DAAM1: variants seen among roughly 807,000 people sequenced by gnomAD.
DAAM1 encodes dishevelled associated activator of morphogenesis 1.
Under a neutral mutation model 130.0 loss-of-function variants are expected in DAAM1, and 52 were observed. The observed-to-expected ratio is 0.40, with a 90% CI of 0.32 to 0.50. The LOEUF (loss-of-function observed/expected upper bound fraction) is 0.50. DAAM1 is among the 20% of genes least tolerant of loss of function. The probability of loss-of-function intolerance (pLI) is 0.61; values close to 1 mark genes in which losing one functional copy is unlikely to be tolerated. For missense variants in DAAM1, 1,134 were observed against 1,303.8 expected, an observed-to-expected ratio of 0.87 and a Z score of 2.01; for synonymous variants, 452 against 444.5, an observed-to-expected ratio of 1.02 and a Z score of -0.21.
At chr14:59,295,828 C>T (rs1883936661) in intron 3 of DAAM1, among the ~76,000 whole-genome samples, 1 of 152,080 alleles carries the variant, frequency 6.6e-6, no homozygotes. Flanking sequence ...GGGCACTGGG[C>T]CTGAAGATGT....
At chr14:59,364,587 T>C (rs1382992886) in intron 23 of DAAM1, among the ~76,000 whole-genome samples, 6 of 151,946 alleles carry the variant, frequency 3.9e-5, no homozygotes, top group South Asian at 2.1e-4. Context: ...CCCCACCCCA[T>C]TGGTTCTTTT....
intron 2 of DAAM1, among the ~76,000 whole-genome samples, chr14:59,284,329 A>G (rs1883351449): frequency 6.6e-6 from 1 of 152,170 alleles, no homozygotes; most frequent in African/African-American, 2.4e-5. Flanking sequence ...TAGAGGTGGG[A>G]ATATAAGATG....
chr14:59,334,783 C>T (rs1186612877), intron 15 of DAAM1, among the ~76,000 whole-genome samples: 1 of 152,084 alleles, frequency 6.6e-6, no homozygotes, highest in East Asian at 1.9e-4. Flanking sequence ...ATATTGTCTG[C>T]TTTGTATACA....
rs570723721 is a variant in DAAM1, at chr14:59,302,715, G to A, written c.273+11409G>A. 2.6e-5 allele frequency among the ~76,000 whole-genome samples: 4 copies of A among 152,134 alleles called. No individual in the cohort carries two copies. In the South Asian group the frequency reaches 6.2e-4, roughly 24 times the overall value. On this transcript the variant is annotated intron_variant, in intron 3 of 24. Coordinates refer to ENST00000360909, the MANE Select transcript of DAAM1 (RefSeq NM_001270520.2). ...GTCACCCACACTGGAGTGCAGTGGC[G>A]CAATTTCAGCTCACTGGAAACTCCA... is the stretch of plus-strand genomic sequence containing the variant.
intron 1 of DAAM1, among the ~76,000 whole-genome samples, chr14:59,215,492 T>A (rs1470056577): frequency 6.6e-6 from 1 of 152,252 alleles, no homozygotes; most frequent in East Asian, 1.9e-4. Context: ...TGGCTTGGGC[T>A]GTTGGCAAGC....
chr14:59,365,160 C>G (rs925975316), intron 23 of DAAM1, among the ~76,000 whole-genome samples: 6 of 152,192 alleles, frequency 3.9e-5, no homozygotes, highest in African/African-American at 1.4e-4. Context: ...AAATTTTCCC[C>G]TTGCACACTG....
intron 1 of DAAM1, among the ~76,000 whole-genome samples, chr14:59,201,662 T>C (rs575211039): frequency 6.6e-6 from 1 of 152,122 alleles, no homozygotes; most frequent in East Asian, 1.9e-4. Flanking sequence ...CTGAGCATAG[T>C]GGTACACATC....
At chr14:59,197,069 T>C (rs965562760) in intron 1 of DAAM1, among the ~76,000 whole-genome samples, 32 of 152,220 alleles carry the variant, frequency 2.1e-4, no homozygotes, top group Admixed American at 7.2e-4. Flanking sequence ...TACAGGCGCC[T>C]GCCACCACGC....
intron 1 of DAAM1, among the ~76,000 whole-genome samples, chr14:59,219,048 T>A (rs1361769447): frequency 2.0e-5 from 3 of 152,224 alleles, no homozygotes; most frequent in African/African-American, 7.2e-5. Flanking sequence ...CTTTCTAGTT[T>A]ATGTGAGCAT....
At chr14:59,234,548 A>C (rs1037047784) in intron 1 of DAAM1, among the ~76,000 whole-genome samples, 2 of 152,086 alleles carry the variant, frequency 1.3e-5, no homozygotes, top group African/African-American at 4.8e-5. Flanking sequence ...GGGTTTTCTA[A>C]ATATACAATC....
In DAAM1 at chr14:59,315,304, A is replaced by T. The variant is rs1244583324; in HGVS notation, c.298A>T (p.Thr100Ser). Residue 100 changes from threonine to serine, a missense_variant, in exon 4 of 25, where the codon ACA becomes TCA. Coordinates refer to ENST00000360909, the MANE Select transcript of DAAM1 (RefSeq NM_001270520.2). The part of the protein sequence containing the change: ...KKDQEENKGA[T>S]SWPEFYIDQL... ...GGACCAGGAAGAAAACAAGGGAGCT[A>T]CAAGTTGGCCTGAATTCTACATTGA... 6.2e-7 allele frequency: 1 copy of T among 1,614,034 alleles called. No homozygotes were observed. Among genetic ancestry groups the T allele is most frequent in the Non-Finnish European group, 8.5e-7 (1 of 1,179,932 alleles).
rs1230615771 is a variant in DAAM1, at chr14:59,263,632, A to G, written c.155A>G (p.Glu52Gly). The G allele has an allele frequency of 1.9e-6, 3 of 1,614,132 alleles. No individual in the cohort carries two copies. Among genetic ancestry groups the G allele is most frequent in the Non-Finnish European group, 2.5e-6 (3 of 1,180,024 alleles). The change falls in exon 2 of 25, where the codon GAG (glutamate) becomes GGG (glycine). Residue 52 changes from glutamate to glycine, a missense_variant. Coordinates refer to ENST00000360909, the MANE Select transcript of DAAM1 (RefSeq NM_001270520.2). The part of the protein sequence containing the change: ...EPALPMPPVE[E>G]LDVMFSELVD... ...GCATTGCCCATGCCCCCTGTGGAGG[A>G]GCTGGATGTCATGTTCAGTGAACTG...
chr14:59,264,481 A>T (rs1882339791), intron 2 of DAAM1: 1 of 152,216 alleles, frequency 6.6e-6, no homozygotes, highest in Non-Finnish European at 1.5e-5. Flanking sequence ...TCTGAAGGAA[A>T]AAAACATCTT....
chr14:59,348,666 G>A lies in DAAM1; in HGVS notation c.2160+1043G>A. On this transcript the variant is annotated intron_variant, in intron 17 of 24. Coordinates refer to ENST00000360909, the MANE Select transcript of DAAM1 (RefSeq NM_001270520.2). The stretch of plus-strand genomic sequence containing the variant: ...CATCTGTAGGTGTGCCCTGTTCCAA[G>A]AGCAGAGAATAAGGGTATTTTGTGT... Among the ~76,000 whole-genome samples, 2 of 152,192 alleles carry A rather than the reference G, an allele frequency of 1.3e-5. 1 individual carries two copies. The highest frequency in any genetic ancestry group is 6.3e-3 in the Middle Eastern group (2 of 316).
At chr14:59,206,005 T>C (rs1449351151) in intron 1 of DAAM1, among the ~76,000 whole-genome samples, 1 of 151,572 alleles carries the variant, frequency 6.6e-6, no homozygotes, top group Non-Finnish European at 1.5e-5. Flanking sequence ...CTGGGACTAC[T>C]ATGCCTGTCT....
Position 59,240,416 on chromosome 14 carries a change from A to G in DAAM1, c.-37-23025A>G, listed in dbSNP as rs956257917. Among the ~76,000 whole-genome samples, 3 of 152,156 alleles carry G rather than the reference A, an allele frequency of 2.0e-5. 1 individual carries two copies. The highest frequency in any genetic ancestry group is 2.1e-4 in the South Asian group (1 of 4,820). On this transcript the variant is annotated intron_variant, in intron 1 of 24. Coordinates refer to ENST00000360909, the MANE Select transcript of DAAM1 (RefSeq NM_001270520.2). ...GTGGACCATGAATCAGGGTTCTTCA[A>G]ATCTTTATGGGACAGAAATCCCATT...
At chr14:59,204,575 A>T (rs1218272422) in intron 1 of DAAM1, among the ~76,000 whole-genome samples, 1 of 152,242 alleles carries the variant, frequency 6.6e-6, no homozygotes, top group Non-Finnish European at 1.5e-5. Context: ...GTGGTATCTC[A>T]TCATAGTGAC....
intron 22 of DAAM1, chr14:59,362,831 A>T (rs1442789142): frequency 6.6e-6 from 1 of 152,192 alleles, no homozygotes; most frequent in Non-Finnish European, 1.5e-5. Context: ...GTTATTACCA[A>T]GACTCTGGAG....
intron 1 of DAAM1, among the ~76,000 whole-genome samples, chr14:59,241,477 T>C (rs1367611602): frequency 6.6e-6 from 1 of 152,236 alleles, no homozygotes; most frequent in Non-Finnish European, 1.5e-5. Flanking sequence ...AATTACTTTG[T>C]GGGAGCTTTT....
Sources: allele counts gnomAD v4.1 joint callset (sites outside exome capture counted in the v4.1 genomes callset), GRCh38; gene constraint gnomAD v4.1.1; transcripts MANE v1.5; gene names NCBI Gene and HGNC (gene_info 2026-07-23, HGNC 2026-07-21).